GLMN: variants seen among roughly 807,000 people sequenced by gnomAD.
The protein encoded by GLMN is glomulin.
A neutral mutation model predicts 87.8 loss-of-function variants in GLMN; 75 were observed. The ratio of observed to expected loss-of-function variants is 0.85; its 90% CI spans 0.71 to 1.04. The LOEUF is 1.04. GLMN is among the 50% of genes least tolerant of loss of function. The probability of loss-of-function intolerance (pLI) is 0.00; values close to 1 mark genes in which losing one functional copy is unlikely to be tolerated. For synonymous variants in GLMN, 206 were observed against 221.6 expected (o/e 0.93, Z 0.63); for missense variants, 588 against 658.8 (o/e 0.89, Z 1.18).
the GLMN span, among the ~76,000 whole-genome samples, chr1:92,322,008 C>T: frequency 1.8e-4 from 27 of 147,454 alleles, no homozygotes; most frequent in African/African-American, 4.7e-4. Context: ...TGCAGTGGCG[C>T]GATCTCGGCT....
chr1:92,341,638 T>A, the GLMN span, among the ~76,000 whole-genome samples: 1 of 152,118 alleles, frequency 6.6e-6, no homozygotes, highest in Admixed American at 6.6e-5. Context: ...GAGATTTGAG[T>A]ATAATAGAAA....
At chr1:92,361,251 T>TAGTA in the GLMN span, among the ~76,000 whole-genome samples, 1 of 152,152 alleles carries the variant, frequency 6.6e-6, no homozygotes, top group South Asian at 2.1e-4. Flanking sequence ...AAGATACCTA[T>TAGTA]AGTAAGTGAG....
the GLMN span, chr1:92,307,125 T>C: frequency 9.2e-7 from 1 of 1,091,748 alleles, no homozygotes; most frequent in Non-Finnish European, 1.4e-6. Flanking sequence ...TTTTATACTC[T>C]CAACTGTATG....
chr1:92,299,208 T>C (rs1224614581), upstream of GLMN: 1 of 1,056,944 alleles, frequency 9.5e-7, no homozygotes, highest in Non-Finnish European at 1.3e-6. Context: ...TCTCGAGTTA[T>C]AGACCGCAGC....
chr1:92,291,352 C>T, intron 4 of GLMN, 66 bp downstream of exon 4: 2 of 1,365,492 alleles, frequency 1.5e-6, no homozygotes, highest in South Asian at 1.2e-5. Flanking sequence ...AAACAATAAA[C>T]ATTAAAGGGA....
chr1:92,291,355 TAAAGGGAATTATA>T, intron 4 of GLMN, 50 bp downstream of exon 4: 1 of 1,381,198 alleles, frequency 7.2e-7, no homozygotes, highest in Non-Finnish European at 1.0e-6. Context: ...CAATAAACAT[TAAAGGGAATTATA>T]AAATACTGCT....
At chr1:92,365,620 T>C in the GLMN span, among the ~76,000 whole-genome samples, 11 of 152,240 alleles carry the variant, frequency 7.2e-5, no homozygotes, top group African/African-American at 2.2e-4. Context: ...CTTAACCTTT[T>C]TTCTAAAATC....
chr1:92,264,248 G>A (rs1655359210), intron 14 of GLMN, among the ~76,000 whole-genome samples: 1 of 152,098 alleles, frequency 6.6e-6, no homozygotes, highest in South Asian at 2.1e-4. Context: ...AGGAGGTGGA[G>A]GCTGCAGTGA....
chr1:92,333,160 A>G, the GLMN span: 4 of 466,248 alleles, frequency 8.6e-6, no homozygotes, highest in African/African-American at 3.9e-5. Context: ...TAATATCCCA[A>G]TTATAAAGAT....
chr1:92,293,491 T>G (rs527671215), intron 3 of GLMN, among the ~76,000 whole-genome samples: 2 of 152,194 alleles, frequency 1.3e-5, no homozygotes, highest in African/African-American at 4.8e-5. Flanking sequence ...ATTTTTTTTT[T>G]TAGATATTGT....
chr1:92,269,878 A>G (rs1656056181), intron 8 of GLMN, 102 bp from the exon 9 acceptor site: 1 of 803,440 alleles, frequency 1.2e-6, no homozygotes, highest in South Asian at 1.4e-5. Flanking sequence ...CCCAAAAAAG[A>G]TATGTTGGAG....
At chr1:92,314,453 T>TA in the GLMN span, among the ~76,000 whole-genome samples, 1 of 152,094 alleles carries the variant, frequency 6.6e-6, no homozygotes, top group South Asian at 2.1e-4. Context: ...TCACAACTGA[T>TA]AGACTCTTAG....
chr1:92,266,817 T>C lies in GLMN; in HGVS notation c.1099-76A>G, dbSNP rs1298468901. 6.7e-6 allele frequency: 6 copies of C among 898,294 alleles called. 1 individual carries two copies. The East Asian group carries it at 1.5e-4, about 22-fold the overall frequency. The allele number at this position is 898,294 out of a possible 1,614,324, so 55.6% of individuals were successfully genotyped here. ...CAAACAAACAACTATAATACATCAA[T>C]AGGATACTAAAAATTCAGAGAAGTG... On this transcript the variant is annotated intron_variant, in intron 11 of 18. Coordinates refer to ENST00000370360, the MANE Select transcript of GLMN (RefSeq NM_053274.3).
chr1:92,305,450 A>AAAAAAAAAAAAAAAAAAAAAAAAAAAC, the GLMN span, among the ~76,000 whole-genome samples: 1 of 141,852 alleles, frequency 7.0e-6, no homozygotes, highest in African/African-American at 3.0e-5. Context: ...AAAAAAAAAA[A>AAAAAAAAAAAAAAAAAAAAAAAAAAAC]AGACAATATG....
chr1:92,294,979 TG>T (rs1352329430), intron 3 of GLMN, among the ~76,000 whole-genome samples: 1 of 152,204 alleles, frequency 6.6e-6, no homozygotes, highest in East Asian at 1.9e-4. Context: ...GTGCCCAGCC[TG>T]TAGTCAGTTT....
At chr1:92,272,961 G>A (rs982011955) in intron 7 of GLMN, among the ~76,000 whole-genome samples, 5 of 152,026 alleles carry the variant, frequency 3.3e-5, no homozygotes, top group Admixed American at 6.6e-5. Flanking sequence ...AATATTTATC[G>A]AGCAGCTCCA....
the GLMN span, chr1:92,324,102 G>A: frequency 2.3e-5 from 37 of 1,613,998 alleles, no homozygotes; most frequent in South Asian, 3.5e-4. Flanking sequence ...ATGCTTCTGT[G>A]TGTCTGAAAC....
At chr1:92,273,615 T>A (rs999657861) in intron 7 of GLMN, among the ~76,000 whole-genome samples, 5 of 151,606 alleles carry the variant, frequency 3.3e-5, no homozygotes, top group East Asian at 1.9e-4. Context: ...CCGCTATTTT[T>A]TTTTTATTTT....
chr1:92,313,111 C>T, the GLMN span, among the ~76,000 whole-genome samples: 11 of 152,310 alleles, frequency 7.2e-5, no homozygotes, highest in African/African-American at 1.9e-4. Flanking sequence ...AAGTAATCCA[C>T]GCACCTTGGC....
Sources: allele counts gnomAD v4.1 joint callset (sites outside exome capture counted in the v4.1 genomes callset), GRCh38; gene constraint gnomAD v4.1.1; transcripts MANE v1.5; gene names NCBI Gene and HGNC (gene_info 2026-07-23, HGNC 2026-07-21).